DAB1: variants seen among roughly 807,000 people sequenced by gnomAD.
DAB1 encodes the protein disabled homolog 1.
In DAB1, 15 loss-of-function variants were observed where a neutral mutation model predicts 64.6. The ratio of observed to expected loss-of-function variants is 0.23; its 90% confidence interval spans 0.16 to 0.36. The LOEUF (loss-of-function observed/expected upper bound fraction) is 0.36, where lower values mean the gene tolerates loss of function less well. Among genes scored for constraint, DAB1 ranks in the 10% least tolerant of loss-of-function variants. The probability of loss-of-function intolerance (pLI) is 1.00; values close to 1 mark genes in which losing one functional copy is unlikely to be tolerated. For missense variants in DAB1, 596 were observed against 706.7 expected, an observed-to-expected ratio of 0.84 and a Z score of 1.78; for synonymous variants, 235 against 251.9, an observed-to-expected ratio of 0.93 and a Z score of 0.64.
In DAB1 at chr1:57,962,441, T is replaced by A. The variant is rs1645546900; in HGVS notation, n.388-78279A>T. Among the ~76,000 whole-genome samples the A allele has an allele frequency of 2.0e-5, 3 of 152,148 alleles. No individual in the cohort carries two copies. In the South Asian group the frequency reaches 6.2e-4, roughly 32 times the overall value. On this transcript the variant is annotated intron_variant and non_coding_transcript_variant, in intron 5 of 20. Coordinates refer to the DAB1 transcript ENST00000485760. ...ATCAACTAGGTACTGACATCCTCCTTCCTATGATCATCTCACCACTTAGAA... is the reference window on the plus strand; with the variant it reads ...ATCAACTAGGTACTGACATCCTCCTACCTATGATCATCTCACCACTTAGAA...
At chr1:57,947,764 G>A (rs1391792921) in intron 5 of DAB1, among the ~76,000 whole-genome samples, 1 of 152,144 alleles carries the variant, frequency 6.6e-6, no homozygotes, top group African/African-American at 2.4e-5. Context: ...TGGAATTTCT[G>A]GAGTGGGCAG....
intron 14 of DAB1, among the ~76,000 whole-genome samples, chr1:57,008,017 G>T (rs1019771432): frequency 6.6e-6 from 1 of 152,226 alleles, no homozygotes; most frequent in Non-Finnish European, 1.5e-5. Context: ...GCTGGCATCT[G>T]CCCCTTGGCA....
chr1:57,563,472 G>A (rs766196271), intron 7 of DAB1, among the ~76,000 whole-genome samples: 4 of 152,148 alleles, frequency 2.6e-5, no homozygotes, highest in East Asian at 3.9e-4. Flanking sequence ...CACCAAGCAT[G>A]AGCCGAAGCA....
At chr1:57,914,508 A>C (rs1644696486) in intron 5 of DAB1, among the ~76,000 whole-genome samples, 1 of 152,140 alleles carries the variant, frequency 6.6e-6, no homozygotes, top group Admixed American at 6.5e-5. Flanking sequence ...CCAACATGGC[A>C]CATGTATACA....
chr1:57,083,463 T>C (rs1488054717), intron 4 of DAB1, among the ~76,000 whole-genome samples: 1 of 152,206 alleles, frequency 6.6e-6, no homozygotes, highest in Admixed American at 6.5e-5. Flanking sequence ...GTAAAATTAT[T>C]ATAGAAAGCA....
chr1:58,453,675 C>A (rs1645162850), intron 3 of DAB1, among the ~76,000 whole-genome samples: 1 of 152,234 alleles, frequency 6.6e-6, no homozygotes, highest in African/African-American at 2.4e-5. Flanking sequence ...ACACTTCTCA[C>A]TGCCCTCAGG....
intron 7 of DAB1, among the ~76,000 whole-genome samples, chr1:57,438,831 G>T (rs1227032180): frequency 1.3e-5 from 2 of 152,126 alleles, no homozygotes; most frequent in African/African-American, 4.8e-5. Flanking sequence ...GGAAATAAAA[G>T]TACCTATATT....
chr1:57,822,510 G>T (rs919686258), downstream of DAB1, among the ~76,000 whole-genome samples: 5 of 152,064 alleles, frequency 3.3e-5, no homozygotes, highest in Non-Finnish European at 5.9e-5. Flanking sequence ...TAGTAAAAGG[G>T]GTCACTACTA....
chr1:57,012,736 C>A (rs1282274110), intron 12 of DAB1, among the ~76,000 whole-genome samples: 1 of 152,158 alleles, frequency 6.6e-6, no homozygotes, highest in African/African-American at 2.4e-5. Flanking sequence ...TATGCAAACA[C>A]CCTGAAGGGT....
At chr1:57,749,236 A>C (rs1570793058) in intron 6 of DAB1, among the ~76,000 whole-genome samples, 1 of 152,170 alleles carries the variant, frequency 6.6e-6, no homozygotes, top group Non-Finnish European at 1.5e-5. Context: ...CTTATCCACT[A>C]CCCGACAGCC....
upstream of DAB1, among the ~76,000 whole-genome samples, chr1:57,885,596 C>CCTT (rs375014368): frequency 6.9e-4 from 105 of 152,290 alleles, no homozygotes; most frequent in African/African-American, 2.5e-3. Context: ...ATAAGCAGAA[C>CCTT]TCTAAGAAGA....
chr1:58,108,934 A>G (rs1469132161), intron 5 of DAB1, among the ~76,000 whole-genome samples: 1 of 152,220 alleles, frequency 6.6e-6, no homozygotes, highest in Non-Finnish European at 1.5e-5. Flanking sequence ...TGAGATGCAG[A>G]GAACAGTCTG....
intron 4 of DAB1, among the ~76,000 whole-genome samples, chr1:57,101,818 C>T (rs1174605148): frequency 6.6e-6 from 1 of 152,198 alleles, no homozygotes; most frequent in Non-Finnish European, 1.5e-5. Flanking sequence ...TTGATCTCAA[C>T]AGTTCTAACT....
At chr1:57,937,874 A>C (rs1158352374) in intron 5 of DAB1, among the ~76,000 whole-genome samples, 2 of 152,074 alleles carry the variant, frequency 1.3e-5, no homozygotes, top group African/African-American at 4.8e-5. Context: ...CTTCTGTTTC[A>C]GGAGGAGGAG....
At chr1:58,512,970 T>A (rs1646104613) in intron 2 of DAB1, among the ~76,000 whole-genome samples, 1 of 152,204 alleles carries the variant, frequency 6.6e-6, no homozygotes, top group Non-Finnish European at 1.5e-5. Flanking sequence ...ATACTCAGTT[T>A]ATCACAAGTC....
At chr1:58,260,969 G>A (rs1661035004) in intron 4 of DAB1, among the ~76,000 whole-genome samples, 1 of 152,170 alleles carries the variant, frequency 6.6e-6, no homozygotes, top group South Asian at 2.1e-4. Context: ...ACTGGGAGTA[G>A]AGGTGCTCAA....
At chr1:57,439,234 C>A (rs1339864066) in intron 7 of DAB1, among the ~76,000 whole-genome samples, 2 of 151,806 alleles carry the variant, frequency 1.3e-5, no homozygotes, top group Non-Finnish European at 2.9e-5. Flanking sequence ...AAGCTGACCC[C>A]AAGGAGATCA....
At chr1:58,412,927 C>T (rs923673759) in intron 3 of DAB1, among the ~76,000 whole-genome samples, 1 of 152,174 alleles carries the variant, frequency 6.6e-6, no homozygotes, top group African/African-American at 2.4e-5. Context: ...ATGTTACATG[C>T]TTTGTAAAAT....
chr1:57,789,660 G>A (rs185931468), intron 6 of DAB1, among the ~76,000 whole-genome samples: 6 of 152,236 alleles, frequency 3.9e-5, no homozygotes, highest in Admixed American at 3.9e-4. Context: ...ACCTCCTAAA[G>A]GCCCCATCTC....
Sources: gnomAD v4.1 joint callset for allele counts (sites outside exome capture counted in the v4.1 genomes callset) on GRCh38, gnomAD v4.1.1 for gene constraint, MANE v1.5 for transcripts, NCBI Gene and HGNC (gene_info 2026-07-23, HGNC 2026-07-21) for gene names.